Variants in AGBL4 observed in about 807,000 individuals in gnomAD.
AGBL4 encodes AGBL carboxypeptidase 4, also known as cytosolic carboxypeptidase 6.
Under a neutral mutation model 66.4 loss-of-function variants are expected in AGBL4, and 58 were observed. The observed-to-expected ratio is 0.87, with a 90% CI of 0.71 to 1.09. The LOEUF is 1.09. Among genes scored for constraint, AGBL4 ranks in the 50% least tolerant of loss-of-function variants. The pLI, the probability that AGBL4 is intolerant of heterozygous loss-of-function variation, is 0.00. For missense variants in AGBL4, 579 were observed against 631.0 expected (o/e 0.92, Z 0.88); for synonymous variants, 234 against 222.9 (o/e 1.05, Z -0.44).
chr1:48,905,306 T>C (rs1450972785), intron 5 of AGBL4, among the ~76,000 whole-genome samples: 1 of 152,220 alleles, frequency 6.6e-6, no homozygotes, highest in Non-Finnish European at 1.5e-5. Flanking sequence ...TAATTTTACA[T>C]TTACCACTTA....
At chr1:49,326,844 T>G (rs1645238027) in intron 3 of AGBL4, among the ~76,000 whole-genome samples, 1 of 152,216 alleles carries the variant, frequency 6.6e-6, no homozygotes, top group Non-Finnish European at 1.5e-5. Flanking sequence ...TGTAATGGCT[T>G]AAAACAACCC....
At chr1:48,861,090 C>T (rs2148818319) in intron 6 of AGBL4, among the ~76,000 whole-genome samples, 1 of 151,956 alleles carries the variant, frequency 6.6e-6, no homozygotes, top group South Asian at 2.1e-4. Context: ...AATTAGAAAT[C>T]TTGGAAATGA....
At chr1:49,194,854 T>C (rs1254223022) in intron 4 of AGBL4, among the ~76,000 whole-genome samples, 1 of 152,112 alleles carries the variant, frequency 6.6e-6, no homozygotes, top group Non-Finnish European at 1.5e-5. Context: ...TTTTTTTTTT[T>C]TGAGTCAGGG....
intron 1 of AGBL4, among the ~76,000 whole-genome samples, chr1:49,954,306 C>T (rs1656409005): frequency 6.6e-6 from 1 of 151,868 alleles, no homozygotes; most frequent in South Asian, 2.1e-4. Flanking sequence ...ACTTAATTGC[C>T]AGTATTAACA....
At chr1:49,441,946 G>C (rs1646041680) in intron 3 of AGBL4, among the ~76,000 whole-genome samples, 3 of 152,168 alleles carry the variant, frequency 2.0e-5, no homozygotes, top group Non-Finnish European at 4.4e-5. Flanking sequence ...ACTCACCACG[G>C]CTGACCTGGC....
chr1:49,353,318 G>A (rs930351904), intron 3 of AGBL4, among the ~76,000 whole-genome samples: 9 of 152,018 alleles, frequency 5.9e-5, no homozygotes, highest in South Asian at 2.1e-4. Flanking sequence ...AGACTTTTGC[G>A]GGTTCCTCAA....
intron 3 of AGBL4, among the ~76,000 whole-genome samples, chr1:49,380,531 C>T (rs376334790): frequency 4.6e-5 from 7 of 151,914 alleles, no homozygotes; most frequent in South Asian, 2.1e-4. Flanking sequence ...GAGCCCGCAT[C>T]GCCAAGTCAA....
intron 4 of AGBL4, among the ~76,000 whole-genome samples, chr1:49,163,525 T>C (rs934674821): frequency 6.6e-6 from 1 of 152,244 alleles, no homozygotes; most frequent in African/African-American, 2.4e-5. Context: ...TTTACAAATA[T>C]CTTGTCTCTT....
chr1:48,717,398 G>C (rs746723239), intron 6 of AGBL4, among the ~76,000 whole-genome samples: 19 of 152,140 alleles, frequency 1.2e-4, no homozygotes, highest in Non-Finnish European at 2.2e-4. Flanking sequence ...GTTTCACTCT[G>C]CCACTTGCTT....
intron 4 of AGBL4, among the ~76,000 whole-genome samples, chr1:49,133,485 T>A (rs565558778): frequency 1.3e-5 from 2 of 152,188 alleles, no homozygotes; most frequent in East Asian, 3.9e-4. Flanking sequence ...CAAAAACATA[T>A]GAAAAGTTGT....
intron 2 of AGBL4, among the ~76,000 whole-genome samples, chr1:49,756,159 T>C (rs1222416381): frequency 6.6e-6 from 1 of 152,142 alleles, no homozygotes; most frequent in Non-Finnish European, 1.5e-5. Context: ...ATAAGATATT[T>C]TGACTTCTGA....
intron 4 of AGBL4, among the ~76,000 whole-genome samples, chr1:49,086,861 TGAGGGAG>T (rs1644916949): frequency 6.6e-6 from 1 of 152,002 alleles, no homozygotes; most frequent in African/African-American, 2.4e-5. Context: ...AGCCCCTGCC[TGAGGGAG>T]CCCCATGGAC....
intron 3 of AGBL4, among the ~76,000 whole-genome samples, chr1:49,611,256 C>T (rs1410125638): frequency 1.3e-5 from 2 of 151,986 alleles, no homozygotes; most frequent in Non-Finnish European, 2.9e-5. Flanking sequence ...CCATAAAAGT[C>T]AGCGTCATGG....
At chr1:49,976,870 C>T (rs1480039238) in intron 1 of AGBL4, among the ~76,000 whole-genome samples, 2 of 152,144 alleles carry the variant, frequency 1.3e-5, no homozygotes, top group African/African-American at 2.4e-5. Context: ...CTCCTCCATC[C>T]CTCTAAATAG....
At chr1:49,762,009 G>A (rs564164101) in intron 2 of AGBL4, among the ~76,000 whole-genome samples, 1 of 152,134 alleles carries the variant, frequency 6.6e-6, no homozygotes, top group East Asian at 1.9e-4. Context: ...CCCACACCTT[G>A]GTTATTGTAA....
At chr1:49,808,159 A>T (rs1048748023) in intron 2 of AGBL4, among the ~76,000 whole-genome samples, 6 of 152,252 alleles carry the variant, frequency 3.9e-5, no homozygotes, top group Admixed American at 3.9e-4. Context: ...GGAAAGAAAC[A>T]GTAAAGGGCA....
At position 48,818,283 on chromosome 1, in the gene AGBL4, C is replaced by G. The variant is rs1161185060; in HGVS notation, c.634+48908G>C. 5.6e-6 allele frequency: 4 copies of G among 716,850 alleles called. No individual in the cohort carries two copies. In the African/African-American group the frequency reaches 7.0e-5, roughly 13 times the overall value. 44.4% of individuals were successfully genotyped at this position (716,850 alleles called of 1,614,324 possible). ...GCAATCAATATTATCTCCGTGGCAT[C>G]TACTTCACCGAAGGAAAATATTTAT... On this transcript the variant is annotated intron_variant, in intron 6 of 13. Coordinates refer to ENST00000371839, the MANE Select transcript of AGBL4 (RefSeq NM_032785.4).
intron 3 of AGBL4, among the ~76,000 whole-genome samples, chr1:49,319,428 T>A (rs998736528): frequency 6.6e-6 from 1 of 152,232 alleles, no homozygotes; most frequent in Non-Finnish European, 1.5e-5. Flanking sequence ...AAGTCTGGAA[T>A]TAGGCACTCT....
intron 3 of AGBL4, among the ~76,000 whole-genome samples, chr1:49,377,014 GAAGAT>G (rs1315889975): frequency 6.6e-6 from 1 of 152,076 alleles, no homozygotes; most frequent in African/African-American, 2.4e-5. Context: ...CTGGTGAAGA[GAAGAT>G]AACTCATATA....
Sources: gnomAD v4.1 joint callset for allele counts (sites outside exome capture counted in the v4.1 genomes callset) on GRCh38, gnomAD v4.1.1 for gene constraint, MANE v1.5 for transcripts, NCBI Gene and HGNC (gene_info 2026-07-23, HGNC 2026-07-21) for gene names.